The following SLC12A5 variants were observed in gnomAD, a reference collection of about 807,000 sequenced individuals.
SLC12A5 encodes solute carrier family 12 member 5, also known as K-Cl cotransporter 2.
A neutral mutation model predicts 124.0 loss-of-function variants in SLC12A5; 18 were observed. The ratio of observed to expected loss-of-function variants is 0.15; its 90% confidence interval spans 0.10 to 0.22. SLC12A5 has a LOEUF of 0.22. Among genes scored for constraint, SLC12A5 ranks in the 10% least tolerant of loss-of-function variants. The probability of loss-of-function intolerance (pLI) is 1.00; values close to 1 mark genes in which losing one functional copy is unlikely to be tolerated. For missense variants in SLC12A5, 867 were observed against 1,478.7 expected (o/e 0.59, Z 6.78); for synonymous variants, 589 against 568.0 (o/e 1.04, Z -0.53).
exon 3 of SLC12A5, chr20:46,023,435 G>A (rs2084372578): frequency 5.0e-6 from 2 of 398,628 alleles, no homozygotes; most frequent in East Asian, 3.6e-5. Context: ...TGGCAGCATC[G>A]GTCCCCCCTC....
At chr20:46,035,577 A>C in intron 3 of SLC12A5, 42 bp downstream of exon 3, 2 of 518,618 alleles carry the variant, frequency 3.9e-6, no homozygotes, top group Non-Finnish European at 7.1e-6. Flanking sequence ...AAAGGGACGG[A>C]TGGGGGGTGG....
At chr20:46,032,572 C>G (rs921589479) in intron 1 of SLC12A5, among the ~76,000 whole-genome samples, 1 of 152,182 alleles carries the variant, frequency 6.6e-6, no homozygotes, top group African/African-American at 2.4e-5. Flanking sequence ...TTAATTTAAT[C>G]CTAGCAACAG....
chr20:46,044,529 G>A (rs1600598211), intron 11 of SLC12A5, among the ~76,000 whole-genome samples: 1 of 152,200 alleles, frequency 6.6e-6, no homozygotes, highest in Non-Finnish European at 1.5e-5. Flanking sequence ...TGGAGGAAGG[G>A]CATTCCAGGC....
In SLC12A5 at chr20:46,048,748, G is replaced by A. The variant is rs554156771; in HGVS notation, c.2012+663G>A. Among the ~76,000 whole-genome samples, 287 of 152,064 alleles carry A rather than the reference G, an allele frequency of 1.9e-3. 2 individuals are homozygous for A. Among genetic ancestry groups the A allele is most frequent in the Non-Finnish European group, 3.5e-3 (235 of 67,992 alleles). ...TAGCCAGGCATGGTGGCGTGCACCT[G>A]TAGTCCCAGCTACTCAGGATACTGA... On this transcript the variant is annotated intron_variant, in intron 16 of 25. Transcript: ENST00000243964.
Position 46,057,834 on chromosome 20 carries a change from C to T in SLC12A5, c.*229C>T, listed in dbSNP as rs974762542. On this transcript the variant is annotated 3_prime_UTR_variant, in exon 26 of 26. Transcript: ENST00000243964. The surrounding 1 kb of genome is among the most constrained non-coding windows in gnomAD (Gnocchi z 7.1). ...AGTGCCAGTTTGGCCCCTGGGTCTT[C>T]GCTGCCCTTTTTCTAAGCCCGGCCT... is the stretch of plus-strand genomic sequence containing the variant. 2.1e-6 allele frequency: 1 copy of T among 475,920 alleles called. No individual in the cohort carries two copies. The highest frequency in any genetic ancestry group is 3.8e-5 in the South Asian group (1 of 26,420). The allele number at this position is 475,920 out of a possible 1,614,324, so 29.5% of individuals were successfully genotyped here. A position where few individuals can be genotyped will look rare whatever the true frequency, so the allele number is the denominator to read the frequency against.
chr20:46,029,046 C>T (rs61601349), upstream of SLC12A5: 25,474 of 1,063,752 alleles, frequency 0.024, 516 homozygotes, highest in Admixed American at 0.12. Context: ...GGGCTCTGCC[C>T]GCCCCTCATC....
intron 1 of SLC12A5, chr20:46,022,839 A>G (rs1300875375): frequency 5.0e-6 from 2 of 399,254 alleles, no homozygotes; most frequent in East Asian, 7.1e-5. Context: ...GGGCGCGTGC[A>G]CAGTCTCCCC....
chr20:46,043,498 T>A, intron 9 of SLC12A5, 135 bp from the exon 10 acceptor site: 1 of 1,175,778 alleles, frequency 8.5e-7, no homozygotes, highest in Non-Finnish European at 1.2e-6. Flanking sequence ...AAGTAACATG[T>A]CCAAGGTCTC....
chr20:46,058,458 G>A lies in SLC12A5; in HGVS notation c.*853G>A, dbSNP rs967516738. 2.5e-6 allele frequency: 1 copy of A among 399,176 alleles called. No homozygotes were observed. 24.7% of individuals were successfully genotyped at this position (399,176 alleles called of 1,614,324 possible). On this transcript the variant is annotated 3_prime_UTR_variant, in exon 26 of 26. Coordinates refer to ENST00000243964, the MANE Select transcript of SLC12A5 (RefSeq NM_020708.5). This position sits in a 1 kb window ranked among gnomAD's most constrained non-coding sequence, Gnocchi z 5.8. Reference sequence around the variant, plus strand: ...TTCCTGGATTCGCCTCCCAGCGGACGTGAGCTTCCACTGCGGCTGCAGAGA... The same window carrying A: ...TTCCTGGATTCGCCTCCCAGCGGACATGAGCTTCCACTGCGGCTGCAGAGA...
In SLC12A5 at chr20:46,035,527, C is replaced by G. The variant is rs2084489755; in HGVS notation, c.271C>G (p.Pro91Ala). The G allele has an allele frequency of 6.2e-7, 1 of 1,612,818 alleles. No homozygotes were observed. The highest frequency in any genetic ancestry group is 8.5e-7 in the Non-Finnish European group (1 of 1,179,704). Residue 91 changes from proline to alanine, a missense_variant, in exon 3 of 26, where the codon CCG (proline) becomes GCG (alanine). Physicochemically the swap from Pro to Ala is conservative, Grantham distance 27 (BLOSUM62 -1). Coordinates refer to ENST00000243964, the MANE Select transcript of SLC12A5 (RefSeq NM_020708.5). Reference sequence around the variant, plus strand: ...AAACAATGAGGGTGGAAAAAAGAAGCCGGTGCAGGTGAGGACCTCGGGGGA... The same window carrying G: ...AAACAATGAGGGTGGAAAAAAGAAGGCGGTGCAGGTGAGGACCTCGGGGGA... Reference protein sequence around the residue: ...AENNEGGKKKPVQAPRMGTFM... With the variant: ...AENNEGGKKKAVQAPRMGTFM...
intron 7 of SLC12A5, 135 bp from the exon 8 acceptor site, chr20:46,041,194 C>A: frequency 7.3e-6 from 5 of 688,576 alleles, no homozygotes; most frequent in Middle Eastern, 4.2e-4. Flanking sequence ...GGCCAGGCTT[C>A]ATTTAAATTA....
At chr20:46,047,374 T>A in intron 14 of SLC12A5, 80 bp from the exon 15 acceptor site, 2 of 1,568,718 alleles carry the variant, frequency 1.3e-6, no homozygotes, top group Non-Finnish European at 8.7e-7. Flanking sequence ...CCCTGCCCCA[T>A]CTCCCTCTTG....
chr20:46,034,672 A>T (rs2084481484), intron 1 of SLC12A5, among the ~76,000 whole-genome samples: 1 of 151,930 alleles, frequency 6.6e-6, no homozygotes, highest in African/African-American at 2.4e-5. Flanking sequence ...TAAGAAGGAA[A>T]CTCTGGAGAG....
chr20:46,026,237 G>A (rs2084397545), upstream of SLC12A5, among the ~76,000 whole-genome samples: 1 of 152,190 alleles, frequency 6.6e-6, no homozygotes, highest in Admixed American at 6.5e-5. Flanking sequence ...GAGACATATG[G>A]TGGGAGGGGG....
rs371579421 is a variant in SLC12A5, at chr20:46,034,974, C to G, written c.79C>G (p.Pro27Ala). ...TGATGGCAACCCCAAGGAAAGCAGT[C>G]CCTTCATCAACAGCACCGACACAGA... Reference protein sequence around the residue: ...PGDGNPKESSPFINSTDTEKG... With the variant: ...PGDGNPKESSAFINSTDTEKG... The change falls in exon 2 of 26, where the codon CCC becomes GCC. Residue 27 changes from proline to alanine, a missense_variant. Transcript: ENST00000243964. 6.2e-7 allele frequency: 1 copy of G among 1,614,020 alleles called. No individual in the cohort carries two copies. The highest frequency in any genetic ancestry group is 8.5e-7 in the Non-Finnish European group (1 of 1,179,952).
At chr20:46,051,592 G>T in intron 17 of SLC12A5, 83 bp from the exon 18 acceptor site, 1 of 1,301,688 alleles carries the variant, frequency 7.7e-7, no homozygotes, top group Non-Finnish European at 1.1e-6. Flanking sequence ...GGAGGGGAGA[G>T]ATGGGAGGGA....
Position 46,041,496 on chromosome 20 carries a change from C to G in SLC12A5, c.1022C>G (p.Thr341Arg), listed in dbSNP as rs1978375556. 1.2e-6 allele frequency: 2 copies of G among 1,614,004 alleles called. No homozygotes were observed. The highest frequency in any genetic ancestry group is 2.2e-5 in the East Asian group (1 of 44,894). The change falls in exon 8 of 26, where the codon ACA (threonine) becomes AGA (arginine). Residue 341 changes from threonine (T) to arginine (R), a missense_variant. Physicochemically the swap from Thr to Arg is moderately conservative, Grantham distance 71 (BLOSUM62 -1). Around this residue, in one of 9 missense-constraint regions of SLC12A5, gnomAD observed 127 missense variants for 164.1 expected, o/e 0.77. Transcript: ENST00000243964. ...CDEYFTRNNV[T>R]EIQGIPGAAS... is the part of the protein sequence containing the mutation. ...GAATACTTCACCCGAAACAATGTCA[C>G]AGAGATCCAGGGCATCCCTGGTGCT...
intron 17 of SLC12A5, among the ~76,000 whole-genome samples, chr20:46,050,750 T>A (rs911878612): frequency 6.6e-6 from 1 of 152,146 alleles, no homozygotes. Flanking sequence ...GTCCCAGCCC[T>A]CGAGGTGCTC....
exon 3 of SLC12A5, chr20:46,023,478 G>C: frequency 2.5e-6 from 1 of 398,832 alleles, no homozygotes; most frequent in Non-Finnish European, 4.4e-6. Flanking sequence ...GCCTCACATG[G>C]CCACGACCAC....
Sources: gnomAD v4.1 joint callset for allele counts (sites outside exome capture counted in the v4.1 genomes callset) on GRCh38, gnomAD v4.1.1 for gene constraint, gnomAD v4.1.1 regional missense constraint, Gnocchi (gnomAD v3.1) non-coding constraint, MANE v1.5 for transcripts, NCBI Gene and HGNC (gene_info 2026-07-23, HGNC 2026-07-21) for gene names.